Variants in ZNF503 observed in about 807,000 individuals in gnomAD.
ZNF503 encodes the protein NocA-like zinc finger 2.
Under a neutral mutation model 34.4 loss-of-function variants are expected in ZNF503, and 15 were observed. The observed-to-expected ratio is 0.44, with a 90% CI of 0.29 to 0.67. The LOEUF is 0.67. Ranked by LOEUF, ZNF503 falls within the 30% of genes least tolerant of loss-of-function variation. ZNF503 has a pLI of 0.13. For synonymous variants in ZNF503, 580 were observed against 456.8 expected, an observed-to-expected ratio of 1.27 and a Z score of -3.44; for missense variants, 1,007 against 926.8, an observed-to-expected ratio of 1.09 and a Z score of -1.12.
chr10:75,313,058 T>C, the ZNF503 span, among the ~76,000 whole-genome samples: 1 of 152,204 alleles, frequency 6.6e-6, no homozygotes, highest in Non-Finnish European at 1.5e-5. Flanking sequence ...TCCCCAGCCA[T>C]GTGGAACTGT....
the ZNF503 span, among the ~76,000 whole-genome samples, chr10:75,341,147 A>G: frequency 6.6e-6 from 1 of 152,234 alleles, no homozygotes; most frequent in Non-Finnish European, 1.5e-5. Context: ...GACTGTGTAC[A>G]TTACTTTGCA....
At chr10:75,360,110 G>GTTTCTT in the ZNF503 span, among the ~76,000 whole-genome samples, 2 of 135,250 alleles carry the variant, frequency 1.5e-5, no homozygotes, top group African/African-American at 6.0e-5. Context: ...GCTGCCAAAG[G>GTTTCTT]TTTCTTTTTT....
chr10:75,287,228 C>A, the ZNF503 span, among the ~76,000 whole-genome samples: 3 of 152,126 alleles, frequency 2.0e-5, no homozygotes, highest in Middle Eastern at 3.2e-3. Context: ...GTGGCTGCCA[C>A]CAGTCTGCCA....
the ZNF503 span, among the ~76,000 whole-genome samples, chr10:75,329,080 T>G: frequency 1.3e-5 from 2 of 152,148 alleles, no homozygotes; most frequent in Non-Finnish European, 2.9e-5. Context: ...TCTTAAATTT[T>G]TTTCATCAGT....
At chr10:75,347,800 C>G in the ZNF503 span, among the ~76,000 whole-genome samples, 3 of 152,180 alleles carry the variant, frequency 2.0e-5, no homozygotes, top group African/African-American at 7.2e-5. Flanking sequence ...ATAATGAGAT[C>G]AAGAAATAGG....
At chr10:75,357,522 A>G in the ZNF503 span, among the ~76,000 whole-genome samples, 1 of 152,218 alleles carries the variant, frequency 6.6e-6, no homozygotes, top group Non-Finnish European at 1.5e-5. Context: ...TGTCTCAAAA[A>G]GAAAGAAAAT....
At chr10:75,384,861 A>G in the ZNF503 span, among the ~76,000 whole-genome samples, 1 of 151,978 alleles carries the variant, frequency 6.6e-6, no homozygotes, top group African/African-American at 2.4e-5. Flanking sequence ...GGGACTACCC[A>G]TTGGTCTTGA....
the ZNF503 span, among the ~76,000 whole-genome samples, chr10:75,342,661 G>C: frequency 6.7e-6 from 1 of 149,338 alleles, no homozygotes; most frequent in African/African-American, 2.4e-5. Context: ...GCCTCCCGGT[G>C]GTGGGGCGGG....
the ZNF503 span, among the ~76,000 whole-genome samples, chr10:75,357,117 CT>C: frequency 1.8e-4 from 26 of 147,806 alleles, no homozygotes; most frequent in Admixed American, 2.7e-4. Context: ...CCTCTAACCC[CT>C]TTTTTTTTTA....
chr10:75,353,594 G>T, the ZNF503 span, among the ~76,000 whole-genome samples: 1 of 152,152 alleles, frequency 6.6e-6, no homozygotes, highest in Non-Finnish European at 1.5e-5. Flanking sequence ...GCCAGGGCTC[G>T]GTAGAACCAC....
chr10:75,329,902 C>T, the ZNF503 span, among the ~76,000 whole-genome samples: 195 of 152,294 alleles, frequency 1.3e-3, no homozygotes, highest in African/African-American at 4.6e-3. Context: ...CAGTACTATA[C>T]TGAGTAGAAG....
At chr10:75,326,463 T>A in the ZNF503 span, among the ~76,000 whole-genome samples, 1 of 152,194 alleles carries the variant, frequency 6.6e-6, no homozygotes, top group Non-Finnish European at 1.5e-5. Context: ...TATTTTCCAT[T>A]TATTTTGGGA....
chr10:75,332,050 TCTGA>T, the ZNF503 span, among the ~76,000 whole-genome samples: 2 of 152,054 alleles, frequency 1.3e-5, no homozygotes, highest in Non-Finnish European at 2.9e-5. Context: ...AGTCTATGTT[TCTGA>T]CTGTTTTTAA....
the ZNF503 span, chr10:75,338,293 TA>T: frequency 6.6e-6 from 1 of 152,252 alleles, no homozygotes; most frequent in African/African-American, 2.4e-5. Context: ...ACCTTGCATT[TA>T]TGGAACACTT....
the ZNF503 span, among the ~76,000 whole-genome samples, chr10:75,372,779 A>AG: frequency 5.3e-5 from 8 of 152,206 alleles, no homozygotes; most frequent in African/African-American, 1.4e-4. Flanking sequence ...GGGAGAGTTC[A>AG]GGGGGTATTT....
the ZNF503 span, among the ~76,000 whole-genome samples, chr10:75,286,707 C>T: frequency 6.6e-6 from 1 of 152,182 alleles, no homozygotes; most frequent in Non-Finnish European, 1.5e-5. Context: ...GTCAGTGTTG[C>T]TGCCATTTCT....
At chr10:75,356,460 C>G in the ZNF503 span, among the ~76,000 whole-genome samples, 1 of 152,354 alleles carries the variant, frequency 6.6e-6, no homozygotes, top group African/African-American at 2.4e-5. Flanking sequence ...CGTGATCCGC[C>G]TGCCTCAGCC....
the ZNF503 span, among the ~76,000 whole-genome samples, chr10:75,307,029 G>T: frequency 2.6e-5 from 4 of 152,034 alleles, no homozygotes; most frequent in African/African-American, 9.7e-5. Context: ...TTCAATATTA[G>T]GCCTGAAATT....
At chr10:75,389,117 G>A in the ZNF503 span, among the ~76,000 whole-genome samples, 1 of 152,240 alleles carries the variant, frequency 6.6e-6, no homozygotes, top group East Asian at 1.9e-4. Flanking sequence ...GGTTTTGGAG[G>A]AGAGGAGATG....
Sources: gnomAD v4.1 joint callset for allele counts (sites outside exome capture counted in the v4.1 genomes callset) on GRCh38, gnomAD v4.1.1 for gene constraint, MANE v1.5 for transcripts, NCBI Gene and HGNC (gene_info 2026-07-23, HGNC 2026-07-21) for gene names.